The following VAT1L variants were observed in gnomAD, a reference collection of about 807,000 sequenced individuals.
VAT1L encodes putative NADPH-dependent quinone oxidoreductase VAT1L.
A neutral mutation model predicts 44.1 loss-of-function variants in VAT1L; 34 were observed. The ratio of observed to expected loss-of-function variants is 0.77; its 90% CI spans 0.59 to 1.03. VAT1L has a LOEUF of 1.03. Ranked by LOEUF, VAT1L falls within the 50% of genes least tolerant of loss-of-function variation. VAT1L has a pLI of 0.00. For synonymous variants in VAT1L, 253 were observed against 202.2 expected (o/e 1.25, Z -2.13); for missense variants, 615 against 538.8 (o/e 1.14, Z -1.40).
intron 1 of VAT1L, among the ~76,000 whole-genome samples, chr16:77,794,235 G>A (rs2015887384): frequency 6.6e-6 from 1 of 152,138 alleles, no homozygotes; most frequent in Admixed American, 6.6e-5. Flanking sequence ...GAATGTATTT[G>A]ACTGATTTGA....
intron 1 of VAT1L, among the ~76,000 whole-genome samples, chr16:77,816,603 G>A (rs544888112): frequency 6.6e-6 from 1 of 152,268 alleles, no homozygotes; most frequent in East Asian, 1.9e-4. Context: ...TATGTTTTTA[G>A]AGTAAGCATA....
intron 7 of VAT1L, among the ~76,000 whole-genome samples, chr16:77,928,509 T>C (rs935602221): frequency 5.3e-5 from 8 of 152,286 alleles, no homozygotes; most frequent in African/African-American, 1.9e-4. Flanking sequence ...TAGCTGAATC[T>C]TCCATAACTG....
rs557753140 is a variant in VAT1L at position 77,802,741 on chromosome 16, T to C, written c.233+13826T>C. On this transcript the variant is annotated intron_variant, in intron 1 of 8. Transcript: ENST00000302536. Reference sequence around the variant, plus strand: ...TCTTTTCCTGTGTACATCCCTTAAGTGCCGCTGCTCCCTCCAAACTCTCCC... The same window carrying C: ...TCTTTTCCTGTGTACATCCCTTAAGCGCCGCTGCTCCCTCCAAACTCTCCC... 8.5e-5 allele frequency among the ~76,000 whole-genome samples: 13 copies of C among 152,056 alleles called. No homozygotes were observed. The South Asian group carries it at 2.7e-3, about 32-fold the overall frequency.
At chr16:77,854,323 G>T (rs7196977) in intron 3 of VAT1L, among the ~76,000 whole-genome samples, 52,463 of 151,958 alleles carry the variant, frequency 0.35, 9,343 homozygotes, top group Admixed American at 0.4. Context: ...GACAAACAAA[G>T]AAAAAGAAAA....
chr16:77,891,884 C>G (rs767880017), intron 7 of VAT1L, among the ~76,000 whole-genome samples: 26 of 152,068 alleles, frequency 1.7e-4, no homozygotes, highest in Non-Finnish European at 2.9e-4. Flanking sequence ...CACCCTGGCT[C>G]ACACAGTGAA....
At chr16:77,908,672 T>C (rs549072147) in intron 7 of VAT1L, among the ~76,000 whole-genome samples, 12 of 151,968 alleles carry the variant, frequency 7.9e-5, no homozygotes, top group Admixed American at 3.9e-4. Context: ...TCTCAGCTCT[T>C]TGGGAGGCCG....
intron 3 of VAT1L, among the ~76,000 whole-genome samples, chr16:77,836,203 T>C (rs112783335): frequency 6.6e-6 from 1 of 152,038 alleles, no homozygotes; most frequent in Admixed American, 6.6e-5. Context: ...AACTCAAATA[T>C]AGAGAGCTAG....
chr16:77,961,993 G>C (rs1241941717), intron 7 of VAT1L, among the ~76,000 whole-genome samples: 1 of 152,144 alleles, frequency 6.6e-6, no homozygotes, highest in African/African-American at 2.4e-5. Flanking sequence ...AGTGTGTCTA[G>C]AGTATCATAG....
rs114039603 is a variant in VAT1L at position 77,895,445 on chromosome 16, T to C, written c.1077+10643T>C. ...AGGAGAATACCCTGGATCATGCAGA[T>C]GGATCCAATACAATCACAAGGGCCT... On this transcript the variant is annotated intron_variant, in intron 7 of 8. Coordinates refer to ENST00000302536, the MANE Select transcript of VAT1L (RefSeq NM_020927.3). Among the ~76,000 whole-genome samples, 829 of 152,202 alleles carry C rather than the reference T, an allele frequency of 5.4e-3. 9 individuals carry two copies. The highest frequency in any genetic ancestry group is 0.019 in the African/African-American group (793 of 41,534).
At chr16:77,848,914 A>C (rs2016782325) in intron 3 of VAT1L, among the ~76,000 whole-genome samples, 1 of 152,214 alleles carries the variant, frequency 6.6e-6, no homozygotes, top group Non-Finnish European at 1.5e-5. Flanking sequence ...GCTGGAAACC[A>C]TCATTCTCAG....
chr16:77,814,381 T>A (rs1390329330), intron 1 of VAT1L, among the ~76,000 whole-genome samples: 1 of 152,230 alleles, frequency 6.6e-6, no homozygotes, highest in Non-Finnish European at 1.5e-5. Context: ...CAGAATCGCC[T>A]AATGCCTCAC....
At chr16:77,901,313 G>A (rs1209014277) in intron 7 of VAT1L, among the ~76,000 whole-genome samples, 3 of 151,700 alleles carry the variant, frequency 2.0e-5, no homozygotes, top group Admixed American at 1.3e-4. Flanking sequence ...ACAGGCGCCC[G>A]CCACCATGCC....
At chr16:77,819,793 T>C (rs1033820425) in intron 2 of VAT1L, among the ~76,000 whole-genome samples, 1 of 152,370 alleles carries the variant, frequency 6.6e-6, no homozygotes, top group East Asian at 1.9e-4. Flanking sequence ...CTTAGACAGC[T>C]GTTCCTCCTG....
chr16:77,874,014 T>A (rs1348025634), intron 4 of VAT1L, among the ~76,000 whole-genome samples: 3 of 152,002 alleles, frequency 2.0e-5, no homozygotes, highest in Non-Finnish European at 4.4e-5. Context: ...GAGCAACAGG[T>A]CAAGGTGGGA....
chr16:77,802,655 CACACACACACACACT>C (rs1423348883), intron 1 of VAT1L, among the ~76,000 whole-genome samples: 17 of 145,370 alleles, frequency 1.2e-4, no homozygotes, highest in African/African-American at 4.0e-4. Context: ...CACACACACA[CACACACACACACACT>C]AAAGTTGCAT....
chr16:77,871,779 G>A (rs768488810), intron 4 of VAT1L, among the ~76,000 whole-genome samples: 1 of 152,022 alleles, frequency 6.6e-6, no homozygotes, highest in Non-Finnish European at 1.5e-5. Context: ...ATTCTACTTG[G>A]GACATAGTAA....
chr16:77,945,836 T>C (rs2017955267), intron 7 of VAT1L, among the ~76,000 whole-genome samples: 1 of 150,952 alleles, frequency 6.6e-6, no homozygotes, highest in Non-Finnish European at 1.5e-5. Flanking sequence ...AAAGTCTCGC[T>C]CTGTCGCCCA....
intron 4 of VAT1L, among the ~76,000 whole-genome samples, chr16:77,867,946 C>G (rs1016189501): frequency 2.6e-5 from 4 of 151,944 alleles, no homozygotes; most frequent in African/African-American, 9.7e-5. Context: ...TTATTTCAGA[C>G]CTTTTGTTTT....
rs560241123 is a variant in VAT1L at position 77,788,606 on chromosome 16, G to A, written c.-77G>A. ...CCCACATTCAACAGGAGGAACCCGC[G>A]GGAGAGGAGCCCCACTCCCCCAGCG... On this transcript the variant is annotated 5_prime_UTR_variant, in exon 1 of 9. Transcript: ENST00000302536. 138 of 1,496,662 alleles carry A rather than the reference G, an allele frequency of 9.2e-5. 2 individuals carry two copies. The South Asian group carries it at 1.6e-3, about 17-fold the overall frequency. The allele number at this position is 1,496,662 out of a possible 1,614,324, so 92.7% of individuals were successfully genotyped here.
Sources: allele counts gnomAD v4.1 joint callset (sites outside exome capture counted in the v4.1 genomes callset), GRCh38; gene constraint gnomAD v4.1.1; transcripts MANE v1.5; gene names NCBI Gene and HGNC (gene_info 2026-07-23, HGNC 2026-07-21).